MCMBP: variants seen among roughly 807,000 people sequenced by gnomAD.
MCMBP encodes mini-chromosome maintenance complex-binding protein.
Under a neutral mutation model 81.3 loss-of-function variants are expected in MCMBP, and 31 were observed. That is an observed-to-expected ratio of 0.38 (90% CI 0.29 to 0.51). The LOEUF (loss-of-function observed/expected upper bound fraction) is 0.51, where lower values mean the gene tolerates loss of function less well. Among genes scored for constraint, MCMBP ranks in the 20% least tolerant of loss-of-function variants. The pLI is 0.87. For missense variants in MCMBP, 645 were observed against 772.1 expected (o/e 0.84, Z 1.95); for synonymous variants, 267 against 275.9 (o/e 0.97, Z 0.32).
chr10:119,854,506 C>T (rs1237341301), intron 5 of MCMBP, among the ~76,000 whole-genome samples: 4 of 148,254 alleles, frequency 2.7e-5, no homozygotes, highest in African/African-American at 7.4e-5. Context: ...AGTTCGAGAC[C>T]AGCCTGGGCA....
In MCMBP at chr10:119,857,341, T is replaced by C; in HGVS notation, c.426A>G (p.Lys142=). The C allele has an allele frequency of 6.2e-7, 1 of 1,603,000 alleles. No homozygotes were observed. Among genetic ancestry groups the C allele is most frequent in the Non-Finnish European group, 8.5e-7 (1 of 1,171,972 alleles). The change falls in exon 5 of 16, where the codon AAA becomes AAG. Residue 142 remains lysine (K), a synonymous_variant. Transcript: ENST00000369077. The part of the protein sequence containing the change: ...VPVPGESTWV[K]EAYVNANQAR... ...AGAAAGTTCAGATAAAGGATATTTC[T>C]TTTACCCACGTAGATTCCCCAGGCA...
At chr10:119,849,688 A>C in intron 6 of MCMBP, 112 bp from the exon 7 acceptor site, 1 of 963,810 alleles carries the variant, frequency 1.0e-6, no homozygotes. Flanking sequence ...TGAGCTTGCA[A>C]AGTTCAAGTT....
At chr10:119,872,487 CG>C in intron 1 of MCMBP, 39 bp downstream of exon 1, 1 of 1,153,026 alleles carries the variant, frequency 8.7e-7, no homozygotes, top group Non-Finnish European at 1.1e-6. Flanking sequence ...CCGGCAAACT[CG>C]GCTGCCCGCC....
intron 13 of MCMBP, among the ~76,000 whole-genome samples, 188 bp from the exon 14 acceptor site, chr10:119,835,892 G>T (rs1201988570): frequency 6.6e-6 from 1 of 152,146 alleles, no homozygotes; most frequent in Non-Finnish European, 1.5e-5. Flanking sequence ...AGGCTGGAGT[G>T]CAGTGGTGTG....
chr10:119,842,457 G>T lies in MCMBP; in HGVS notation c.1124+15C>A. On this transcript the variant is annotated intron_variant, in intron 10 of 15. Coordinates refer to ENST00000369077, the MANE Select transcript of MCMBP (RefSeq NM_001256378.2). Reference sequence around the variant, plus strand: ...CACCAAACTCCCCTAATTCCCACCAGGATACAGCACTTACACTGTGGAGAT... The same window carrying T: ...CACCAAACTCCCCTAATTCCCACCATGATACAGCACTTACACTGTGGAGAT... 6.2e-7 allele frequency: 1 copy of T among 1,605,238 alleles called. No homozygotes were observed. Among genetic ancestry groups the T allele is most frequent in the South Asian group, 1.1e-5 (1 of 89,398 alleles).
At chr10:119,847,036 A>G (rs773212999) in intron 8 of MCMBP, among the ~76,000 whole-genome samples, 8 of 152,078 alleles carry the variant, frequency 5.3e-5, no homozygotes, top group Non-Finnish European at 1.2e-4. Context: ...TCCCTTCTCT[A>G]TGTTGTAAAA....
intron 7 of MCMBP, among the ~76,000 whole-genome samples, chr10:119,848,371 G>C (rs1852691208): frequency 6.6e-6 from 1 of 152,100 alleles, no homozygotes; most frequent in Admixed American, 6.6e-5. Flanking sequence ...CAGAACTTTG[G>C]GAGGCTGAGG....
rs967562609 is a variant in MCMBP, at chr10:119,830,436, C to T, written c.*1038G>A. On this transcript the variant is annotated 3_prime_UTR_variant, in exon 16 of 16. Coordinates refer to ENST00000369077, the MANE Select transcript of MCMBP (RefSeq NM_001256378.2). ...ACTGGAGTAGCAGATGTTAGCTGAT[C>T]TAACATACTTGGAACCAACTGATGA... is the stretch of plus-strand genomic sequence containing the variant. 6.6e-6 allele frequency: 1 copy of T among 152,182 alleles called. No homozygotes were observed. The highest frequency in any genetic ancestry group is 1.5e-5 in the Non-Finnish European group (1 of 68,036). 9.4% of individuals were successfully genotyped at this position (152,182 alleles called of 1,614,324 possible).
At chr10:119,853,829 T>G (rs1014384077) in intron 5 of MCMBP, among the ~76,000 whole-genome samples, 3 of 152,144 alleles carry the variant, frequency 2.0e-5, no homozygotes, top group Non-Finnish European at 2.9e-5. Context: ...TCCTAGGCAT[T>G]TGGGTAAGAC....
chr10:119,855,711 A>G (rs550704296), intron 5 of MCMBP, among the ~76,000 whole-genome samples: 31 of 152,152 alleles, frequency 2.0e-4, no homozygotes, highest in Non-Finnish European at 3.4e-4. Flanking sequence ...TTAAAACCAA[A>G]CCAAAAAGAA....
chr10:119,843,116 A>C, intron 9 of MCMBP, 138 bp downstream of exon 9: 1 of 945,040 alleles, frequency 1.1e-6, no homozygotes, highest in Non-Finnish European at 1.7e-6. Context: ...TGGGGCAACG[A>C]GAGAGAGATT....
intron 5 of MCMBP, among the ~76,000 whole-genome samples, chr10:119,853,903 C>T (rs986053349): frequency 6.6e-6 from 1 of 152,224 alleles, no homozygotes; most frequent in African/African-American, 2.4e-5. Context: ...TTCTACACCA[C>T]CCCTAACAAA....
chr10:119,865,848 G>A (rs1273056947), intron 1 of MCMBP, among the ~76,000 whole-genome samples: 1 of 151,454 alleles, frequency 6.6e-6, no homozygotes, highest in Non-Finnish European at 1.5e-5. Context: ...GGCCGAGGCG[G>A]GAGGGTCACT....
chr10:119,842,011 C>A (rs1852450922), intron 10 of MCMBP, among the ~76,000 whole-genome samples: 1 of 152,156 alleles, frequency 6.6e-6, no homozygotes, highest in African/African-American at 2.4e-5. Flanking sequence ...GATGAGTGGG[C>A]ATTACCGCCT....
At position 119,850,874 on chromosome 10, in the gene MCMBP, G is replaced by GTTTTTTTTTTT. The variant is rs1284100421; in HGVS notation, c.575-1309_575-1299dup. On this transcript the variant is annotated intron_variant, in intron 6 of 15. Transcript: ENST00000369077. ...AGAGGCTAAAAGGTATACAAGATCT[G>GTTTTTTTTTTT]TTTTTTTTTTTTTTTTTTGAGACAG... is the stretch of plus-strand genomic sequence containing the variant. 2.8e-4 allele frequency among the ~76,000 whole-genome samples: 37 copies of GTTTTTTTTTTT among 130,524 alleles called. 1 individual carries two copies. The highest frequency in any genetic ancestry group is 1.2e-3 in the South Asian group (5 of 4,144). 85.6% of individuals were successfully genotyped at this position (130,524 alleles called of 152,430 possible).
At chr10:119,832,385 A>G (rs1351901256) in intron 14 of MCMBP, among the ~76,000 whole-genome samples, 1 of 152,208 alleles carries the variant, frequency 6.6e-6, no homozygotes, top group African/African-American at 2.4e-5. Flanking sequence ...CAGAGAAGGG[A>G]CCGCAGAAAA....
rs1484506705 is a variant in MCMBP, at chr10:119,849,516, G to A, written c.635C>T (p.Thr212Ile). 3.1e-6 allele frequency: 5 copies of A among 1,608,524 alleles called. No individual in the cohort carries two copies. In the South Asian group the frequency reaches 3.3e-5, roughly 11 times the overall value. Residue 212 changes from threonine (T) to isoleucine (I), a missense_variant, in exon 7 of 16, where the codon ACT becomes ATT. Coordinates refer to ENST00000369077, the MANE Select transcript of MCMBP (RefSeq NM_001256378.2). ...GTTCAGAGAGTTCAGCTGTTGCCCAGTAGAAGCTTCAGTTTCTAAACGTTT... is the reference window on the plus strand; with the variant it reads ...GTTCAGAGAGTTCAGCTGTTGCCCAATAGAAGCTTCAGTTTCTAAACGTTT... ...EPKRLETEAS[T>I]GQQLNSLNLS... is the part of the protein sequence containing the mutation.
intron 14 of MCMBP, among the ~76,000 whole-genome samples, chr10:119,833,313 C>A (rs1362215920): frequency 6.6e-6 from 1 of 152,022 alleles, no homozygotes; most frequent in African/African-American, 2.4e-5. Flanking sequence ...TCCAGAGTAA[C>A]TTCCAAAGCA....
intron 1 of MCMBP, among the ~76,000 whole-genome samples, chr10:119,866,399 G>A (rs1243866354): frequency 1.3e-5 from 2 of 152,310 alleles, no homozygotes; most frequent in African/African-American, 4.8e-5. Flanking sequence ...GCCGAGGCGT[G>A]TGGATCACCT....
Sources: allele counts gnomAD v4.1 joint callset (sites outside exome capture counted in the v4.1 genomes callset), GRCh38; gene constraint gnomAD v4.1.1; transcripts MANE v1.5; gene names NCBI Gene and HGNC (gene_info 2026-07-23, HGNC 2026-07-21).